TENM2: variants seen among roughly 807,000 people sequenced by gnomAD.
The protein encoded by TENM2 is teneurin transmembrane protein 2.
In TENM2, 52 loss-of-function variants were observed where a neutral mutation model predicts 245.2. The observed-to-expected ratio is 0.21, with a 90% CI of 0.17 to 0.27. The LOEUF is 0.27. Among genes scored for constraint, TENM2 ranks in the 10% least tolerant of loss-of-function variants. The pLI, the probability that TENM2 is intolerant of heterozygous loss-of-function variation, is 1.00. For missense variants in TENM2, 3,046 were observed against 3,666.8 expected (o/e 0.83, Z 4.37); for synonymous variants, 1,363 against 1,438.9 (o/e 0.95, Z 1.19).
exon 27 of TENM2, chr5:168,248,241 A>C (rs1271785932): frequency 1.2e-6 from 2 of 1,614,040 alleles, no homozygotes; most frequent in Non-Finnish European, 1.7e-6. Context: ...ATGTGCTGGC[A>C]GGACGATGGA....
the TENM2 span, among the ~76,000 whole-genome samples, chr5:167,005,396 C>T: frequency 6.6e-5 from 10 of 152,074 alleles, no homozygotes; most frequent in South Asian, 2.1e-4. Flanking sequence ...TTAGGAGAAC[C>T]GTTGACATTT....
At chr5:168,230,090 T>G (rs1351471665) in intron 25 of TENM2, among the ~76,000 whole-genome samples, 2 of 152,220 alleles carry the variant, frequency 1.3e-5, no homozygotes, top group Non-Finnish European at 2.9e-5. Context: ...AAACTCTTTC[T>G]TTAATAATGG....
chr5:167,869,384 A>G lies in TENM2; in HGVS notation c.503-6602A>G, dbSNP rs533056650. Among the ~76,000 whole-genome samples the G allele has an allele frequency of 2.0e-5, 3 of 152,326 alleles. No homozygotes were observed. The South Asian group carries it at 6.2e-4, about 32-fold the overall frequency. On this transcript the variant is annotated intron_variant, in intron 2 of 28. Coordinates refer to ENST00000518659, the Ensembl canonical transcript of TENM2. ...GAATAGCCCATTGAAGTTTATGGCA[A>G]TATGCAAACCTGAGTTCAAATCTTG...
chr5:168,176,556 A>G (rs1389027793), intron 13 of TENM2, among the ~76,000 whole-genome samples: 1 of 152,152 alleles, frequency 6.6e-6, no homozygotes, highest in Non-Finnish European at 1.5e-5. Context: ...CTAAAGCAGA[A>G]AATCCCCTCC....
intron 6 of TENM2, among the ~76,000 whole-genome samples, chr5:168,053,850 TG>T (rs1789315008): frequency 6.6e-6 from 1 of 152,162 alleles, no homozygotes; most frequent in African/African-American, 2.4e-5. Flanking sequence ...CTGTCAGACG[TG>T]GGTTTTGATC....
At chr5:167,425,260 T>C (rs575419237) in intron 2 of TENM2, among the ~76,000 whole-genome samples, 1 of 152,108 alleles carries the variant, frequency 6.6e-6, no homozygotes, top group Admixed American at 6.6e-5. Flanking sequence ...AATAATCCAA[T>C]AAACTGGAAG....
intron 11 of TENM2, among the ~76,000 whole-genome samples, chr5:168,126,058 C>G (rs1396823622): frequency 6.6e-6 from 1 of 152,156 alleles, no homozygotes; most frequent in Non-Finnish European, 1.5e-5. Context: ...GTCTGGAATA[C>G]CAGAGAGTGC....
intron 2 of TENM2, among the ~76,000 whole-genome samples, chr5:167,451,669 GACGGA>G: frequency 6.6e-6 from 1 of 150,480 alleles, no homozygotes; most frequent in South Asian, 2.1e-4. Context: ...TTTTTCTTGA[GACGGA>G]GTCTCGCTCT....
chr5:167,266,496 A>T, the TENM2 span, among the ~76,000 whole-genome samples: 1 of 152,214 alleles, frequency 6.6e-6, no homozygotes, highest in Non-Finnish European at 1.5e-5. Context: ...TGCTTAAAAA[A>T]ATAGGAGAAC....
chr5:168,031,784 G>A (rs1484629326), intron 5 of TENM2, among the ~76,000 whole-genome samples: 2 of 144,872 alleles, frequency 1.4e-5, no homozygotes, highest in Non-Finnish European at 3.0e-5. Context: ...AGGGAGGGAA[G>A]GAGGGAAGGA....
the TENM2 span, among the ~76,000 whole-genome samples, chr5:167,142,230 G>A: frequency 6.6e-6 from 1 of 152,106 alleles, no homozygotes; most frequent in East Asian, 1.9e-4. Flanking sequence ...CCTTGCTAAA[G>A]TCTTTTTAAA....
intron 1 of TENM2, among the ~76,000 whole-genome samples, chr5:167,291,855 A>G (rs1754657014): frequency 6.6e-6 from 1 of 152,202 alleles, no homozygotes; most frequent in African/African-American, 2.4e-5. Context: ...AGTCTATCTA[A>G]GCTGTATTGG....
chr5:167,980,388 A>C (rs79128725), intron 4 of TENM2, among the ~76,000 whole-genome samples: 1 of 152,178 alleles, frequency 6.6e-6, no homozygotes, highest in African/African-American at 2.4e-5. Context: ...AGAGACTTGA[A>C]AGACCTGAGA....
intron 2 of TENM2, among the ~76,000 whole-genome samples, chr5:167,683,021 T>C (rs6885086): frequency 0.45 from 68,108 of 151,550 alleles, 17,448 homozygotes; most frequent in East Asian, 0.91. Flanking sequence ...TAAGACTTGA[T>C]TTAAAAATAT....
intron 2 of TENM2, among the ~76,000 whole-genome samples, chr5:167,741,151 A>G (rs1761150437): frequency 6.6e-6 from 1 of 151,802 alleles, no homozygotes; most frequent in Admixed American, 6.6e-5. Flanking sequence ...GATTTTGCCC[A>G]CTCCACCCAG....
In TENM2 at chr5:168,247,522, T is replaced by G; in HGVS notation, c.6583T>G (p.Tyr2195Asp). 6.2e-7 allele frequency: 1 copy of G among 1,612,780 alleles called. No homozygotes were observed. Among genetic ancestry groups the G allele is most frequent in the East Asian group, 2.2e-5 (1 of 44,824 alleles). The change falls in exon 27 of 29, where the codon TAT (tyrosine) becomes GAT (aspartate). Residue 2195 changes from tyrosine (Y) to aspartate (D), a missense_variant. Transcript: ENST00000518659. This position sits in a 1 kb window ranked among gnomAD's most constrained non-coding sequence, Gnocchi z 7.8. ...CAAGAGGGAGCTAAAACTGGGGCCC[T>G]ATGCCAATACCACGAAGTACACCTA...
the TENM2 span, among the ~76,000 whole-genome samples, chr5:167,152,076 A>G: frequency 1.3e-5 from 2 of 152,142 alleles, no homozygotes; most frequent in African/African-American, 2.4e-5. Context: ...AAAATTTGCC[A>G]CTTTTTTGTC....
chr5:167,138,369 A>C, the TENM2 span, among the ~76,000 whole-genome samples: 3 of 152,234 alleles, frequency 2.0e-5, no homozygotes, highest in African/African-American at 7.2e-5. Context: ...ACCCAGAGCT[A>C]GAGTAATGGA....
chr5:167,032,202 C>T, the TENM2 span, among the ~76,000 whole-genome samples: 1 of 152,160 alleles, frequency 6.6e-6, no homozygotes, highest in Non-Finnish European at 1.5e-5. Context: ...AATACATACT[C>T]AAGGGTAAAA....
Sources: gnomAD v4.1 joint callset for allele counts (sites outside exome capture counted in the v4.1 genomes callset) on GRCh38, gnomAD v4.1.1 for gene constraint, Gnocchi (gnomAD v3.1) non-coding constraint, MANE v1.5 for transcripts, NCBI Gene and HGNC (gene_info 2026-07-23, HGNC 2026-07-21) for gene names.